FAM227A: variants seen among roughly 807,000 people sequenced by gnomAD.
FAM227A encodes protein FAM227A.
A neutral mutation model predicts 74.7 loss-of-function variants in FAM227A; 80 were observed. That is an observed-to-expected ratio of 1.07 (90% CI 0.89 to 1.29). FAM227A has a LOEUF of 1.29. Among genes scored for constraint, FAM227A ranks in the 50% most tolerant of loss-of-function variants. The pLI, the probability that FAM227A is intolerant of heterozygous loss-of-function variation, is 0.00. For synonymous variants in FAM227A, 237 were observed against 241.8 expected (o/e 0.98, Z 0.19); for missense variants, 654 against 683.4 (o/e 0.96, Z 0.48).
chr22:38,638,262 C>A (rs747972035), intron 5 of FAM227A, among the ~76,000 whole-genome samples: 1 of 152,134 alleles, frequency 6.6e-6, no homozygotes, highest in Non-Finnish European at 1.5e-5. Flanking sequence ...GTGGGGAGAG[C>A]CTGTCTCAAG....
intron 12 of FAM227A, among the ~76,000 whole-genome samples, chr22:38,606,652 G>C (rs1269997705): frequency 6.6e-6 from 1 of 152,190 alleles, no homozygotes; most frequent in Non-Finnish European, 1.5e-5. Flanking sequence ...CAGGGGAATT[G>C]CAAGTAACAT....
intron 9 of FAM227A, among the ~76,000 whole-genome samples, 170 bp downstream of exon 9, chr22:38,626,010 T>A (rs911624666): frequency 6.6e-6 from 1 of 151,644 alleles, no homozygotes; most frequent in South Asian, 2.1e-4. Context: ...GCAGGAAAAT[T>A]TGTATTCCTT....
At chr22:38,604,474 A>G (rs545193912) in intron 13 of FAM227A, among the ~76,000 whole-genome samples, 4 of 152,202 alleles carry the variant, frequency 2.6e-5, no homozygotes, top group East Asian at 1.9e-4. Context: ...TGAAGTTCCT[A>G]TTGATATAAA....
At chr22:38,627,898 C>G (rs972950447) in intron 8 of FAM227A, among the ~76,000 whole-genome samples, 1 of 152,168 alleles carries the variant, frequency 6.6e-6, no homozygotes, top group African/African-American at 2.4e-5. Flanking sequence ...GCCACCATGC[C>G]CGGCTGGGAA....
chr22:38,650,761 T>C (rs1343033325), intron 1 of FAM227A, among the ~76,000 whole-genome samples: 1 of 152,134 alleles, frequency 6.6e-6, no homozygotes, highest in Non-Finnish European at 1.5e-5. Context: ...CTCAGAAAAC[T>C]GGCCCCAACC....
chr22:38,625,745 ACCAG>A (rs2091784154), intron 9 of FAM227A, among the ~76,000 whole-genome samples: 1 of 152,066 alleles, frequency 6.6e-6, no homozygotes, highest in African/African-American at 2.4e-5. Context: ...GGAGGTTGAG[ACCAG>A]CCTGACCAAC....
chr22:38,610,050 G>A (rs2091378858), intron 11 of FAM227A, among the ~76,000 whole-genome samples: 1 of 152,034 alleles, frequency 6.6e-6, no homozygotes, highest in Non-Finnish European at 1.5e-5. Context: ...TGGGATTACA[G>A]GTGTGAGCCA....
At chr22:38,610,347 C>G (rs1418082418) in intron 11 of FAM227A, among the ~76,000 whole-genome samples, 3 of 152,190 alleles carry the variant, frequency 2.0e-5, no homozygotes, top group African/African-American at 7.2e-5. Context: ...TCATTCTTAA[C>G]AGGCCTCAGA....
At chr22:38,645,471 T>A in intron 3 of FAM227A, 92 bp downstream of exon 3, 2 of 724,346 alleles carry the variant, frequency 2.8e-6, no homozygotes, top group Non-Finnish European at 4.7e-6. Flanking sequence ...TTCAAATAAA[T>A]GGAGAGGCCC....
At chr22:38,605,126 T>C (rs1175258349) in intron 13 of FAM227A, 128 bp downstream of exon 13, 1 of 588,626 alleles carries the variant, frequency 1.7e-6, no homozygotes, top group Non-Finnish European at 3.0e-6. Context: ...ATGCACTGTT[T>C]GCATAAGGTT....
In FAM227A at chr22:38,623,210, C is replaced by T. The variant is rs781571163; in HGVS notation, c.920G>A (p.Arg307Lys). 2.6e-6 allele frequency: 4 copies of T among 1,551,704 alleles called. No homozygotes were observed. The highest frequency in any genetic ancestry group is 3.5e-6 in the Non-Finnish European group (4 of 1,146,966). ...TCTTCTGTACAACATTAATTCTTCT[C>T]TGCGGAATCGCTCTGGGTCTAGTTC... is the stretch of plus-strand genomic sequence containing the variant. Reference protein sequence around the residue: ...YSELDPERFRREELMLYRRRL... With the variant: ...YSELDPERFRKEELMLYRRRL... Residue 307 changes from arginine (R) to lysine (K), a missense_variant, in exon 10 of 17, where the codon AGA becomes AAA. Arg to Lys is a conservative substitution (Grantham distance 26, BLOSUM62 2). Coordinates refer to ENST00000535113, the MANE Select transcript of FAM227A (RefSeq NM_001013647.2).
chr22:38,605,291 G>C lies in FAM227A; in HGVS notation c.1184C>G (p.Ser395Ter). The C allele has an allele frequency of 6.4e-7, 1 of 1,550,638 alleles. No individual in the cohort carries two copies. Among genetic ancestry groups the C allele is most frequent in the Non-Finnish European group, 8.7e-7 (1 of 1,145,732 alleles). ...CATATTCTCACATTCTCTTGCTTCTGATATCCTCTTGACTTCTTGCGTAGG... is the reference window on the plus strand; with the variant it reads ...CATATTCTCACATTCTCTTGCTTCTCATATCCTCTTGACTTCTTGCGTAGG... ...KKPTQEVKRI[S>*]EARECENMFP... is the part of the protein sequence containing the mutation. Residue 395 changes from serine to a stop codon, truncating the protein, a stop_gained, in exon 13 of 17, where the codon TCA (serine) becomes TGA (stop). Transcript: ENST00000535113. LOFTEE classifies it high-confidence loss of function.
intron 11 of FAM227A, among the ~76,000 whole-genome samples, chr22:38,617,645 G>A (rs1221711460): frequency 1.3e-5 from 2 of 152,192 alleles, no homozygotes; most frequent in Non-Finnish European, 2.9e-5. Context: ...TGTTAAGGAA[G>A]CATGTCATTA....
Position 38,615,312 on chromosome 22 carries a change from T to C in FAM227A, c.1038+4900A>G, listed in dbSNP as rs148971395. On this transcript the variant is annotated intron_variant, in intron 11 of 16. Transcript: ENST00000535113. Reference sequence around the variant, plus strand: ...TGCTGAAGATTACAGGCTTGAGCCATCGCGCCCGGACAGAGTTTACCTTCT... The same window carrying C: ...TGCTGAAGATTACAGGCTTGAGCCACCGCGCCCGGACAGAGTTTACCTTCT... Among the ~76,000 whole-genome samples the C allele has an allele frequency of 5.3e-5, 8 of 152,260 alleles. No individual in the cohort carries two copies. The East Asian group carries it at 1.5e-3, about 29-fold the overall frequency.
intron 14 of FAM227A, among the ~76,000 whole-genome samples, chr22:38,598,607 T>G (rs1017508664): frequency 5.9e-5 from 9 of 152,350 alleles, no homozygotes; most frequent in African/African-American, 2.2e-4. Context: ...CGCAAAGTCC[T>G]CCTAGTTCAT....
chr22:38,655,254 G>A (rs1454877732), intron 1 of FAM227A, among the ~76,000 whole-genome samples: 1 of 151,988 alleles, frequency 6.6e-6, no homozygotes, highest in African/African-American at 2.4e-5. Context: ...TTTTGGCCAG[G>A]CGCAGTGGCC....
At chr22:38,623,405 G>A in intron 9 of FAM227A, 126 bp from the exon 10 acceptor site, 1 of 597,372 alleles carries the variant, frequency 1.7e-6, no homozygotes, top group South Asian at 2.2e-5. Flanking sequence ...GCAACATAGT[G>A]GGACTCCGTC....
chr22:38,649,600 C>T (rs573370376), intron 2 of FAM227A, among the ~76,000 whole-genome samples: 12 of 147,932 alleles, frequency 8.1e-5, no homozygotes, highest in Admixed American at 1.4e-4. Flanking sequence ...GGCGAGGTGG[C>T]TCATGACTGT....
rs189386733 is a variant in FAM227A, at chr22:38,635,182, C to T, written c.519+1269G>A. Among the ~76,000 whole-genome samples the T allele has an allele frequency of 8.3e-5, 12 of 144,884 alleles. No individual in the cohort carries two copies. The East Asian group carries it at 1.3e-3, about 15-fold the overall frequency. On this transcript the variant is annotated intron_variant, in intron 6 of 16. Coordinates refer to ENST00000535113, the MANE Select transcript of FAM227A (RefSeq NM_001013647.2). ...CGGAGCTTGCAGTGAGCTGAGATCG[C>T]GCCACTGCACTCTGTCCAGCCTGGC...
Sources: allele counts gnomAD v4.1 joint callset (sites outside exome capture counted in the v4.1 genomes callset), GRCh38; gene constraint gnomAD v4.1.1; transcripts MANE v1.5; gene names NCBI Gene and HGNC (gene_info 2026-07-23, HGNC 2026-07-21).